The following SPEG variants were observed in gnomAD, a reference collection of about 807,000 sequenced individuals.
SPEG encodes the protein striated muscle enriched protein kinase, also known as striated muscle preferentially expressed protein kinase.
A neutral mutation model predicts 300.4 loss-of-function variants in SPEG; 114 were observed. That is an observed-to-expected ratio of 0.38 (90% CI 0.33 to 0.44). The LOEUF is 0.44. SPEG is among the 20% of genes least tolerant of loss of function. The pLI is 1.00. For synonymous variants in SPEG, 1,964 were observed against 2,018.9 expected (o/e 0.97, Z 0.73); for missense variants, 4,201 against 4,586.2 (o/e 0.92, Z 2.43).
intron 6 of SPEG, among the ~76,000 whole-genome samples, chr2:219,454,141 C>G (rs1336891036): frequency 6.6e-6 from 1 of 152,212 alleles, no homozygotes; most frequent in Non-Finnish European, 1.5e-5. Flanking sequence ...CTCTTGGGGT[C>G]CACCCCAACA....
Position 219,448,986 on chromosome 2 carries a change from C to T in SPEG, c.1828C>T (p.Pro610Ser), listed in dbSNP as rs1215475720. Reference sequence around the variant, plus strand: ...CAGAGCCATCCAGGAGTGCAGGAGCCCTGTGCCGCCCCCCGCCGCCGATCC... The same window carrying T: ...CAGAGCCATCCAGGAGTGCAGGAGCTCTGTGCCGCCCCCCGCCGCCGATCC... ...RSRAIQECRS[P>S]VPPPAADPPE... Residue 610 changes from proline to serine, a missense_variant, in exon 4 of 41, where the codon CCT becomes TCT. This residue lies in a region of SPEG where 1,258 missense variants were observed against 1,293.9 expected (regional missense o/e 0.97). Coordinates refer to ENST00000312358, the MANE Select transcript of SPEG (RefSeq NM_005876.5). 1.3e-5 allele frequency: 20 copies of T among 1,494,756 alleles called. No individual in the cohort carries two copies. Among genetic ancestry groups the T allele is most frequent in the Non-Finnish European group, 3.6e-6 (4 of 1,125,090 alleles). 92.6% of individuals were successfully genotyped at this position (1,494,756 alleles called of 1,614,324 possible).
chr2:219,453,515 C>T (rs1448261463), intron 6 of SPEG, among the ~76,000 whole-genome samples: 7 of 152,224 alleles, frequency 4.6e-5, no homozygotes, highest in Non-Finnish European at 1.0e-4. Context: ...CTTTCTTCAG[C>T]CCATCTGTGC....
In SPEG at chr2:219,443,935, C is replaced by A; in HGVS notation, c.389-718C>A. ...CCTCTGGGGACTGGGTGCCTCACGC[C>A]CCTTCTGTCTTGACTGCCCTCCATG... On this transcript the variant is annotated intron_variant, in intron 1 of 40. Transcript: ENST00000312358. This position sits in a 1 kb window ranked among gnomAD's most constrained non-coding sequence, Gnocchi z 4.6. 9.2e-7 allele frequency: 1 copy of A among 1,082,682 alleles called. No homozygotes were observed. The highest frequency in any genetic ancestry group is 5.5e-5 in the East Asian group (1 of 18,218). 67.1% of individuals were successfully genotyped at this position (1,082,682 alleles called of 1,614,324 possible).
In SPEG at chr2:219,467,212, C is replaced by T; in HGVS notation, c.2920C>T (p.Leu974=). 1 of 1,594,876 alleles carries T rather than the reference C, an allele frequency of 6.3e-7. No individual in the cohort carries two copies. The highest frequency in any genetic ancestry group is 8.5e-7 in the Non-Finnish European group (1 of 1,171,786). The change falls in exon 10 of 41, where the codon CTG becomes TTG. Residue 974 remains leucine (L), a synonymous_variant. Transcript: ENST00000312358. ...CCGGTCCCTGGCCGTGCTGGCCCCC[C>T]TGCAGGACGTGGACGTGGGGGCCGG... The part of the protein sequence containing the change: ...ESRSLAVLAP[L]QDVDVGAGEM...
Position 219,469,147 on chromosome 2 carries a change from G to A in SPEG, c.3492-9G>A. On this transcript the variant is annotated splice_polypyrimidine_tract_variant and intron_variant, in intron 12 of 40. Transcript: ENST00000312358. ...CCCTGGGCCTGTGGGCAGCTGTGTG[G>A]TCTTGCAGCTCGAAGCTGGAGAAGA... 6.2e-7 allele frequency: 1 copy of A among 1,613,530 alleles called. No individual in the cohort carries two copies. Among genetic ancestry groups the A allele is most frequent in the Non-Finnish European group, 8.5e-7 (1 of 1,179,820 alleles).
intron 1 of SPEG, among the ~76,000 whole-genome samples, chr2:219,442,387 T>C (rs1019349301): frequency 1.3e-5 from 2 of 151,134 alleles, no homozygotes; most frequent in African/African-American, 2.4e-5. Context: ...CACTTGCTTC[T>C]TTGCCACATC....
intron 6 of SPEG, among the ~76,000 whole-genome samples, chr2:219,452,931 T>G (rs777403378): frequency 2.0e-5 from 3 of 152,210 alleles, no homozygotes; most frequent in Non-Finnish European, 2.9e-5. Flanking sequence ...GGTTGCACGG[T>G]CTGGCTTGTG....
Position 219,484,911 on chromosome 2 carries a change from G to T in SPEG, c.7448G>T (p.Arg2483Leu). Residue 2483 changes from arginine (R) to leucine (L), a missense_variant, in exon 30 of 41, where the codon CGC becomes CTC. Arg to Leu is a moderately radical substitution (Grantham distance 102). Coordinates refer to ENST00000312358, the MANE Select transcript of SPEG (RefSeq NM_005876.5). Reference protein sequence around the residue: ...SSEDSGGASGRSTPLFGRLRR... With the variant: ...SSEDSGGASGLSTPLFGRLRR... ...GAGGACTCGGGGGGCGCGTCGGGCC[G>T]CAGCACGCCGCTGTTCGGACGGCTT... is the stretch of plus-strand genomic sequence containing the variant. The T allele has an allele frequency of 6.6e-7, 1 of 1,525,932 alleles. No individual in the cohort carries two copies. The highest frequency in any genetic ancestry group is 8.7e-7 in the Non-Finnish European group (1 of 1,143,764). The allele number at this position is 1,525,932 out of a possible 1,614,324, so 94.5% of individuals were successfully genotyped here. A position where few individuals can be genotyped will look rare whatever the true frequency, so the allele number is the denominator to read the frequency against.
chr2:219,442,168 C>T, intron 1 of SPEG: 1 of 886,404 alleles, frequency 1.1e-6, no homozygotes, highest in Non-Finnish European at 1.5e-6. Context: ...CGCAGCTGGG[C>T]CCGGTGGAGG....
Position 219,489,145 on chromosome 2 carries a change from T to C in SPEG, c.8241T>C (p.Arg2747=), listed in dbSNP as rs1251108124. 2 of 1,613,966 alleles carry C rather than the reference T, an allele frequency of 1.2e-6. No homozygotes were observed. The highest frequency in any genetic ancestry group is 1.7e-6 in the Non-Finnish European group (2 of 1,179,946). Residue 2747 remains arginine, a synonymous_variant, in exon 35 of 41, where the codon CGT becomes CGC. Coordinates refer to ENST00000312358, the MANE Select transcript of SPEG (RefSeq NM_005876.5). ...HLPVGVTVRF[R]VACANRAGQG... is the part of the protein sequence containing the mutation. ...CAGTTGGCGTGACTGTGAGGTTCCGTGTGGCCTGTGCCAACCGTGCTGGGC... is the reference window on the plus strand; with the variant it reads ...CAGTTGGCGTGACTGTGAGGTTCCGCGTGGCCTGTGCCAACCGTGCTGGGC...
At position 219,487,129 on chromosome 2, in the gene SPEG, C is replaced by T. The variant is rs573389242; in HGVS notation, c.7742-1065C>T. On this transcript the variant is annotated intron_variant, in intron 31 of 40. Transcript: ENST00000312358. Reference sequence around the variant, plus strand: ...CCTATCCCCACCCTTCACCCACCACCCCCATGGCCCAGCTGGGATTCTTCT... The same window carrying T: ...CCTATCCCCACCCTTCACCCACCACTCCCATGGCCCAGCTGGGATTCTTCT... Among the ~76,000 whole-genome samples, 235 of 152,264 alleles carry T rather than the reference C, an allele frequency of 1.5e-3. 1 individual carries two copies. The highest frequency in any genetic ancestry group is 5.4e-3 in the African/African-American group (224 of 41,538).
chr2:219,474,875 C>G (rs1294865022), intron 18 of SPEG, among the ~76,000 whole-genome samples: 2 of 151,014 alleles, frequency 1.3e-5, no homozygotes, highest in Non-Finnish European at 2.9e-5. Context: ...CTCCACCTCC[C>G]AGGTTCGAGT....
intron 1 of SPEG, chr2:219,442,969 T>C: frequency 1.4e-6 from 1 of 710,132 alleles, no homozygotes; most frequent in Non-Finnish European, 2.4e-6. Context: ...TCACTCTGGG[T>C]CTCTGCCCAC....
chr2:219,449,307 C>T (rs1018953826), intron 4 of SPEG, 36 bp downstream of exon 4: 13 of 1,347,290 alleles, frequency 9.6e-6, no homozygotes, highest in Non-Finnish European at 1.1e-5. Context: ...GGTGCCTGAA[C>T]CCCCGTCGGG....
In SPEG at chr2:219,451,754, C is replaced by T; in HGVS notation, c.2387C>T (p.Ala796Val). Residue 796 changes from alanine (A) to valine (V), a missense_variant, in exon 6 of 41, where the codon GCC becomes GTC. Ala to Val is a moderately conservative substitution (Grantham distance 64). This residue lies in a region of SPEG where 1,258 missense variants were observed against 1,293.9 expected (regional missense o/e 0.97). Transcript: ENST00000312358. The surrounding 1 kb of genome is among the most constrained non-coding windows in gnomAD (Gnocchi z 6.4). ...GATGCCGGGAGCTATATGGCCACCG[C>T]CACCAACGAGCTGGGCCAGGCCACC... ...AADAGSYMAT[A>V]TNELGQATCA... 1 of 1,557,442 alleles carries T rather than the reference C, an allele frequency of 6.4e-7. No homozygotes were observed. Among genetic ancestry groups the T allele is most frequent in the Non-Finnish European group, 8.7e-7 (1 of 1,151,154 alleles).
Position 219,489,614 on chromosome 2 carries a change from C to G in SPEG, c.8596C>G (p.His2866Asp). Residue 2866 changes from histidine to aspartate, a missense_variant, in exon 36 of 41, where the codon CAC (histidine) becomes GAC (aspartate). Physicochemically the swap from His to Asp is moderately conservative, Grantham distance 81. Around this residue, in one of 4 missense-constraint regions of SPEG, gnomAD observed 1,578 missense variants for 1,506.0 expected, o/e 1.05. Transcript: ENST00000312358. ...AGCGGAGCCCACCCTACCCAGTACC[C>G]ACGTCACCCCAAGTGAGCCCAAGCC... is the stretch of plus-strand genomic sequence containing the variant. Reference protein sequence around the residue: ...RPAEPTLPSTHVTPSEPKPFV... With the variant: ...RPAEPTLPSTDVTPSEPKPFV... The G allele has an allele frequency of 6.2e-7, 1 of 1,613,878 alleles. No homozygotes were observed. The highest frequency in any genetic ancestry group is 8.5e-7 in the Non-Finnish European group (1 of 1,179,990).
intron 8 of SPEG, among the ~76,000 whole-genome samples, chr2:219,463,782 T>TATAA (rs1690982048): frequency 6.6e-6 from 1 of 151,842 alleles, no homozygotes; most frequent in Non-Finnish European, 1.5e-5. Flanking sequence ...ATCTGTCCAT[T>TATAA]ATAAATAAAT....
intron 4 of SPEG, chr2:219,450,759 T>G (rs916532845): frequency 6.1e-6 from 1 of 164,522 alleles, no homozygotes; most frequent in Non-Finnish European, 1.3e-5. Flanking sequence ...CTTTGTCTGT[T>G]TGAAAGCTTG....
Position 219,479,742 on chromosome 2 carries a change from C to G in SPEG, c.5086-41C>G. On this transcript the variant is annotated intron_variant, in intron 23 of 40. Transcript: ENST00000312358. The surrounding 1 kb of genome is among the most constrained non-coding windows in gnomAD (Gnocchi z 5.5). ...CGCCCTGGAGGTGTTCAGACATACA[C>G]CACCCTTCCCCCTCAGACTCTGGGC... 1 of 1,599,022 alleles carries G rather than the reference C, an allele frequency of 6.3e-7. No individual in the cohort carries two copies. The highest frequency in any genetic ancestry group is 1.7e-4 in the Middle Eastern group (1 of 6,028).
Sources: gnomAD v4.1 joint callset for allele counts (sites outside exome capture counted in the v4.1 genomes callset) on GRCh38, gnomAD v4.1.1 for gene constraint, gnomAD v4.1.1 regional missense constraint, Gnocchi (gnomAD v3.1) non-coding constraint, MANE v1.5 for transcripts, NCBI Gene and HGNC (gene_info 2026-07-23, HGNC 2026-07-21) for gene names.